PDS5B: variants seen among roughly 807,000 people sequenced by gnomAD.
PDS5B encodes the protein sister chromatid cohesion protein PDS5 homolog B.
PDS5B carries 51 observed loss-of-function variants against 184.1 expected under a neutral mutation model. That is an observed-to-expected ratio of 0.28 (90% confidence interval 0.22 to 0.35). The LOEUF (loss-of-function observed/expected upper bound fraction) is 0.35, where lower values mean the gene tolerates loss of function less well. PDS5B is among the 10% of genes least tolerant of loss of function. PDS5B has a pLI of 1.00. For missense variants in PDS5B, 1,180 were observed against 1,723.3 expected (o/e 0.68, Z 5.58); for synonymous variants, 566 against 569.2 (o/e 0.99, Z 0.08).
At chr13:32,623,043 G>T (rs1185964422) in intron 1 of PDS5B, among the ~76,000 whole-genome samples, 1 of 152,126 alleles carries the variant, frequency 6.6e-6, no homozygotes, top group Non-Finnish European at 1.5e-5. Context: ...GAGTTCTGCT[G>T]ATTGGTTTGG....
chr13:32,773,232 T>G lies in PDS5B; in HGVS notation c.4216T>G (p.Ser1406Ala). ...ACAAGCAGCTACTAAGGAAAATGATTCAAGTGAAGAAGTAGATGTGTTTCA... is the reference window on the plus strand; with the variant it reads ...ACAAGCAGCTACTAAGGAAAATGATGCAAGTGAAGAAGTAGATGTGTTTCA... Reference protein sequence around the residue: ...SKQAATKENDSSEEVDVFQGS... With the variant: ...SKQAATKENDASEEVDVFQGS... Residue 1406 changes from serine (S) to alanine (A), a missense_variant, in exon 34 of 35, where the codon TCA becomes GCA. Around this residue, in one of 11 missense-constraint regions of PDS5B, gnomAD observed 465 missense variants for 497.8 expected, o/e 0.93. Transcript: ENST00000315596. 1 of 1,613,288 alleles carries G rather than the reference T, an allele frequency of 6.2e-7. No individual in the cohort carries two copies. Among genetic ancestry groups the G allele is most frequent in the Non-Finnish European group, 8.5e-7 (1 of 1,179,538 alleles).
intron 1 of PDS5B, among the ~76,000 whole-genome samples, chr13:32,633,673 C>G (rs1436403780): frequency 2.6e-5 from 4 of 152,142 alleles, no homozygotes; most frequent in Non-Finnish European, 5.9e-5. Flanking sequence ...TCAAATTAAA[C>G]TTTTTGGTGG....
intron 19 of PDS5B, among the ~76,000 whole-genome samples, chr13:32,711,095 C>T (rs542061424): frequency 1.2e-4 from 18 of 151,880 alleles, no homozygotes; most frequent in Admixed American, 1.1e-3. Flanking sequence ...CAGGTTCAAG[C>T]GATTCTCCTG....
chr13:32,771,487 A>G (rs543772723), intron 33 of PDS5B, among the ~76,000 whole-genome samples: 23 of 149,634 alleles, frequency 1.5e-4, no homozygotes, highest in Non-Finnish European at 1.5e-4. Flanking sequence ...GAAATTTAAC[A>G]CTTTTTCTGA....
At chr13:32,742,534 A>G (rs1448180911) in intron 22 of PDS5B, 57 bp from the exon 23 acceptor site, 33 of 1,430,298 alleles carry the variant, frequency 2.3e-5, no homozygotes, top group Non-Finnish European at 2.9e-5. Flanking sequence ...AAAAGTTGAT[A>G]CAGAAATTCT....
At chr13:32,586,818 G>A (rs1331004207) in intron 1 of PDS5B, among the ~76,000 whole-genome samples, 1 of 145,442 alleles carries the variant, frequency 6.9e-6, no homozygotes, top group Non-Finnish European at 1.5e-5. Context: ...CCGGCTGCGC[G>A]GTGGGGGTGG....
intron 1 of PDS5B, among the ~76,000 whole-genome samples, chr13:32,621,380 T>C (rs1280579499): frequency 2.6e-5 from 4 of 152,178 alleles, no homozygotes; most frequent in Non-Finnish European, 5.9e-5. Context: ...GGTGGGATGA[T>C]TGCTTGAGCC....
At chr13:32,724,115 T>C (rs1952813259) in intron 19 of PDS5B, among the ~76,000 whole-genome samples, 1 of 152,144 alleles carries the variant, frequency 6.6e-6, no homozygotes, top group South Asian at 2.1e-4. Context: ...TCAAAAAATG[T>C]GTTTTTGTTG....
chr13:32,602,711 C>T (rs970020559), intron 1 of PDS5B, among the ~76,000 whole-genome samples: 11 of 152,172 alleles, frequency 7.2e-5, no homozygotes, highest in African/African-American at 2.2e-4. Flanking sequence ...ACAGTCCCAC[C>T]GACAATGCAA....
chr13:32,650,620 A>G (rs1354703488), intron 2 of PDS5B: 4 of 152,332 alleles, frequency 2.6e-5, no homozygotes, highest in African/African-American at 9.6e-5. Flanking sequence ...CAATCAAAGC[A>G]TAAATCTTAA....
intron 1 of PDS5B, among the ~76,000 whole-genome samples, chr13:32,610,207 G>T (rs1019363021): frequency 1.8e-4 from 28 of 152,322 alleles, no homozygotes; most frequent in African/African-American, 6.7e-4. Context: ...ACAAATCAAT[G>T]TAGGTACGTA....
chr13:32,667,191 C>T (rs1446420930), intron 6 of PDS5B, among the ~76,000 whole-genome samples: 1 of 152,164 alleles, frequency 6.6e-6, no homozygotes, highest in Non-Finnish European at 1.5e-5. Context: ...ATCAAAGTCT[C>T]TTAGAAACAT....
chr13:32,680,363 T>G (rs1951205806), intron 10 of PDS5B, among the ~76,000 whole-genome samples: 2 of 152,312 alleles, frequency 1.3e-5, no homozygotes, highest in South Asian at 2.1e-4. Context: ...TTTTGGGTGA[T>G]CAGAGTGAGT....
chr13:32,603,531 A>G (rs1346714953), intron 1 of PDS5B, among the ~76,000 whole-genome samples: 1 of 152,184 alleles, frequency 6.6e-6, no homozygotes, highest in Non-Finnish European at 1.5e-5. Flanking sequence ...AGGTAGTGTG[A>G]TGCCTCCAGC....
chr13:32,638,049 C>T (rs1271860489), intron 1 of PDS5B, among the ~76,000 whole-genome samples: 3 of 152,100 alleles, frequency 2.0e-5, no homozygotes, highest in Non-Finnish European at 4.4e-5. Context: ...CTGTGGTCAC[C>T]TGGTGATTTG....
At chr13:32,669,766 G>A (rs1052209222) in intron 7 of PDS5B, among the ~76,000 whole-genome samples, 7 of 152,100 alleles carry the variant, frequency 4.6e-5, no homozygotes, top group African/African-American at 1.7e-4. Context: ...GTCTCAGTAC[G>A]TTGTCCACTA....
intron 17 of PDS5B, among the ~76,000 whole-genome samples, chr13:32,706,299 TAAATA>T (rs1473096390): frequency 6.7e-6 from 1 of 148,218 alleles, no homozygotes; most frequent in African/African-American, 2.4e-5. Flanking sequence ...AATAAATAAA[TAAATA>T]AATAAATAAA....
At chr13:32,610,034 T>A (rs1367060763) in intron 1 of PDS5B, among the ~76,000 whole-genome samples, 1 of 151,504 alleles carries the variant, frequency 6.6e-6, no homozygotes, top group African/African-American at 2.4e-5. Context: ...AGGAAAAGAT[T>A]AACTAGTGTA....
At chr13:32,649,236 T>G (rs1950304650) in intron 2 of PDS5B, 1 of 170,676 alleles carries the variant, frequency 5.9e-6, no homozygotes, top group African/African-American at 2.4e-5. Flanking sequence ...TTATACTGAG[T>G]AATTAGGCTG....
Sources: gnomAD v4.1 joint callset for allele counts (sites outside exome capture counted in the v4.1 genomes callset) on GRCh38, gnomAD v4.1.1 for gene constraint, gnomAD v4.1.1 regional missense constraint, MANE v1.5 for transcripts, NCBI Gene and HGNC (gene_info 2026-07-23, HGNC 2026-07-21) for gene names.